The following NDUFAF6 variants were observed in gnomAD, a reference collection of about 807,000 sequenced individuals.
NDUFAF6 encodes the protein NADH dehydrogenase (ubiquinone) complex I, assembly factor 6.
In NDUFAF6, 45 loss-of-function variants were observed where a neutral mutation model predicts 40.8. That is an observed-to-expected ratio of 1.10 (90% CI 0.87 to 1.42). NDUFAF6 has a LOEUF of 1.42. NDUFAF6 is among the 40% of genes most tolerant of loss of function. NDUFAF6 has a pLI of 0.00. For synonymous variants in NDUFAF6, 185 were observed against 155.9 expected, an observed-to-expected ratio of 1.19 and a Z score of -1.39; for missense variants, 435 against 418.5, an observed-to-expected ratio of 1.04 and a Z score of -0.34.
intron 1 of NDUFAF6, among the ~76,000 whole-genome samples, chr8:94,899,111 C>T (rs1343944956): frequency 6.6e-6 from 1 of 152,230 alleles, no homozygotes; most frequent in African/African-American, 2.4e-5. Flanking sequence ...GTTGGTCAGG[C>T]TGGTCTTGAA....
At chr8:94,947,215 G>A (rs1822094785) in intron 2 of NDUFAF6, among the ~76,000 whole-genome samples, 1 of 151,406 alleles carries the variant, frequency 6.6e-6, no homozygotes, top group South Asian at 2.1e-4. Context: ...TCAACTATGG[G>A]TCTACGAACT....
intron 1 of NDUFAF6, among the ~76,000 whole-genome samples, chr8:95,026,563 C>CA (rs964213433): frequency 3.4e-4 from 51 of 151,252 alleles, no homozygotes; most frequent in Non-Finnish European, 6.0e-4. Context: ...TTGTAAAAGC[C>CA]AAAAAAAATT....
At chr8:94,917,877 C>A (rs1412857992) in intron 1 of NDUFAF6, among the ~76,000 whole-genome samples, 3 of 152,152 alleles carry the variant, frequency 2.0e-5, no homozygotes, top group African/African-American at 7.2e-5. Context: ...ATACATCAAT[C>A]TCTTCATCAT....
At chr8:94,964,780 A>G (rs894070911) in intron 1 of NDUFAF6, among the ~76,000 whole-genome samples, 9 of 152,218 alleles carry the variant, frequency 5.9e-5, no homozygotes. Context: ...CCCCACTTCC[A>G]ACATTGGTGG....
chr8:94,930,670 C>T lies in NDUFAF6; in HGVS notation c.-935-14813C>T, dbSNP rs1820307062. The stretch of plus-strand genomic sequence containing the variant: ...GGTTGTTCCAGAAAAGTTGTATGAG[C>T]AGCAAGAGCTGCAACATAACAATGA... On this transcript the variant is annotated intron_variant, in intron 1 of 14. Coordinates refer to the NDUFAF6 transcript ENST00000396113. 1.9e-6 allele frequency: 3 copies of T among 1,614,232 alleles called. No homozygotes were observed. In the South Asian group the frequency reaches 3.3e-5, roughly 18 times the overall value.
chr8:94,912,758 A>C (rs1445171530), intron 1 of NDUFAF6, among the ~76,000 whole-genome samples: 1 of 150,978 alleles, frequency 6.6e-6, no homozygotes, highest in Non-Finnish European at 1.5e-5. Flanking sequence ...GCTTGCAGTG[A>C]GCCGAGATCA....
exon 2 of NDUFAF6, chr8:94,980,911 G>T: frequency 4.4e-6 from 2 of 456,602 alleles, no homozygotes; most frequent in South Asian, 3.1e-5. Flanking sequence ...TGCTCAAGAG[G>T]AACGGCACAT....
intron 4 of NDUFAF6, among the ~76,000 whole-genome samples, chr8:95,111,001 G>A (rs1169179066): frequency 1.3e-5 from 2 of 152,188 alleles, no homozygotes; most frequent in African/African-American, 4.8e-5. Context: ...CCTTGGAGGT[G>A]AAGCCTTGTG....
At position 94,939,822 on chromosome 8, in the gene NDUFAF6, G is replaced by A. The variant is rs762317445; in HGVS notation, c.-935-5661G>A. 2.5e-6 allele frequency: 4 copies of A among 1,580,252 alleles called. No homozygotes were observed. In the African/African-American group the frequency reaches 5.4e-5, roughly 21 times the overall value. On this transcript the variant is annotated intron_variant, in intron 1 of 14. Coordinates refer to the NDUFAF6 transcript ENST00000396113. ...ACAGTAGAGACAAAATGCATGCTCA[G>A]TGGACTGCCTACAGAGAGTTAAATA...
intron 5 of NDUFAF6, 27 bp from the exon 6 acceptor site, chr8:95,046,967 A>T: frequency 6.2e-7 from 1 of 1,613,808 alleles, no homozygotes; most frequent in Non-Finnish European, 8.5e-7. Context: ...AGAATAGAGC[A>T]GCCCTGTGTA....
intron 2 of NDUFAF6, chr8:95,034,113 A>G (rs1438911399): frequency 2.2e-6 from 1 of 457,540 alleles, no homozygotes; most frequent in Non-Finnish European, 4.4e-6. Context: ...GTAACTTCAC[A>G]TATGGAAAAG....
intron 1 of NDUFAF6, among the ~76,000 whole-genome samples, chr8:94,909,372 A>AAC (rs1818601911): frequency 2.0e-5 from 1 of 50,012 alleles, no homozygotes; most frequent in Non-Finnish European, 4.7e-5. Context: ...AAAAAAAAAA[A>AAC]AAAAAAAAAA....
chr8:95,076,978 G>C (rs1055475242), downstream of NDUFAF6, among the ~76,000 whole-genome samples: 1 of 151,978 alleles, frequency 6.6e-6, no homozygotes, highest in Non-Finnish European at 1.5e-5. Context: ...GGCCTTTAAA[G>C]AAGTGATTAA....
chr8:94,990,553 C>CT (rs1439219107), intron 2 of NDUFAF6, among the ~76,000 whole-genome samples: 1 of 152,186 alleles, frequency 6.6e-6, no homozygotes, highest in Non-Finnish European at 1.5e-5. Flanking sequence ...CCCAAAAACT[C>CT]TAACTGGAAC....
At chr8:94,977,562 A>C (rs1467147582) in intron 1 of NDUFAF6, among the ~76,000 whole-genome samples, 2 of 148,336 alleles carry the variant, frequency 1.3e-5, no homozygotes, top group African/African-American at 4.9e-5. Flanking sequence ...GCTAGAACGA[A>C]GCAGGCATAA....
At chr8:95,109,804 A>T (rs1044505242) in intron 4 of NDUFAF6, among the ~76,000 whole-genome samples, 7 of 152,190 alleles carry the variant, frequency 4.6e-5, no homozygotes, top group African/African-American at 1.7e-4. Flanking sequence ...TGATAAGGAA[A>T]CTGAAATTCA....
chr8:95,026,989 T>C (rs966069099), intron 1 of NDUFAF6, among the ~76,000 whole-genome samples: 3 of 152,188 alleles, frequency 2.0e-5, no homozygotes, highest in Non-Finnish European at 4.4e-5. Context: ...GAGGCTGCTA[T>C]GAGCCGAGTT....
chr8:94,923,459 C>G (rs182441428), intron 1 of NDUFAF6, among the ~76,000 whole-genome samples: 4 of 152,266 alleles, frequency 2.6e-5, no homozygotes, highest in African/African-American at 9.6e-5. Flanking sequence ...ATCTATACAA[C>G]TAGATGCTCA....
chr8:95,087,242 C>T (rs1055456780), intron 2 of NDUFAF6, among the ~76,000 whole-genome samples: 2 of 152,270 alleles, frequency 1.3e-5, no homozygotes, highest in Admixed American at 6.5e-5. Flanking sequence ...TTGCATCTTC[C>T]GTTTTCTCTT....
Sources: gnomAD v4.1 joint callset for allele counts (sites outside exome capture counted in the v4.1 genomes callset) on GRCh38, gnomAD v4.1.1 for gene constraint, MANE v1.5 for transcripts, NCBI Gene and HGNC (gene_info 2026-07-23, HGNC 2026-07-21) for gene names.